NKAIN2: variants seen among roughly 807,000 people sequenced by gnomAD.
NKAIN2 encodes sodium/potassium transporting ATPase interacting 2.
In NKAIN2, 14 loss-of-function variants were observed where a neutral mutation model predicts 32.6. The ratio of observed to expected loss-of-function variants is 0.43; its 90% CI spans 0.28 to 0.67. The LOEUF (loss-of-function observed/expected upper bound fraction) is 0.67, where lower values mean the gene tolerates loss of function less well. Ranked by LOEUF, NKAIN2 falls within the 30% of genes least tolerant of loss-of-function variation. The probability of loss-of-function intolerance (pLI) is 0.17; values close to 1 mark genes in which losing one functional copy is unlikely to be tolerated. For synonymous variants in NKAIN2, 80 were observed against 87.2 expected, an observed-to-expected ratio of 0.92 and a Z score of 0.46; for missense variants, 198 against 258.3, an observed-to-expected ratio of 0.77 and a Z score of 1.60.
At chr6:124,554,840 A>T (rs375678734) in intron 3 of NKAIN2, among the ~76,000 whole-genome samples, 2 of 152,176 alleles carry the variant, frequency 1.3e-5, no homozygotes, top group African/African-American at 4.8e-5. Context: ...GCATGCCAAC[A>T]AGCCCGTGGG....
At chr6:124,082,054 T>C (rs1377146126) in intron 1 of NKAIN2, among the ~76,000 whole-genome samples, 3 of 151,566 alleles carry the variant, frequency 2.0e-5, no homozygotes, top group Admixed American at 2.0e-4. Context: ...ATGGGAAGGG[T>C]ATTTTAGGAA....
At chr6:124,097,719 G>C in intron 1 of NKAIN2, among the ~76,000 whole-genome samples, 1 of 152,170 alleles carries the variant, frequency 6.6e-6, no homozygotes, top group South Asian at 2.1e-4. Flanking sequence ...ACCTGGGAAT[G>C]TTGACGCATA....
At chr6:124,555,363 C>T (rs533942801) in intron 3 of NKAIN2, among the ~76,000 whole-genome samples, 1 of 152,236 alleles carries the variant, frequency 6.6e-6, no homozygotes, top group Non-Finnish European at 1.5e-5. Flanking sequence ...ATCCCCAGAG[C>T]TGAAGAAGTT....
rs573830764 is a variant in NKAIN2, at chr6:124,608,338, A to C, written c.274-49848A>C. 4.1e-3 allele frequency among the ~76,000 whole-genome samples: 628 copies of C among 152,276 alleles called. 1 individual carries two copies. The highest frequency in any genetic ancestry group is 5.9e-3 in the Non-Finnish European group (402 of 68,020). On this transcript the variant is annotated intron_variant, in intron 3 of 6. Transcript: ENST00000368417. ...ATCAATGCAGACCGGGCACTCCATAAGTGTTTCATAAATTGAACTGAATTG... is the reference window on the plus strand; with the variant it reads ...ATCAATGCAGACCGGGCACTCCATACGTGTTTCATAAATTGAACTGAATTG...
chr6:124,009,310 G>C (rs1780216114), intron 1 of NKAIN2, among the ~76,000 whole-genome samples: 1 of 152,122 alleles, frequency 6.6e-6, no homozygotes, highest in Admixed American at 6.5e-5. Flanking sequence ...ACCTTGCTGT[G>C]TCATATTTTC....
chr6:124,543,055 G>A (rs1779966845), intron 3 of NKAIN2, among the ~76,000 whole-genome samples: 1 of 152,010 alleles, frequency 6.6e-6, no homozygotes, highest in Admixed American at 6.6e-5. Flanking sequence ...TGGCTGCTTG[G>A]TGAATATTAA....
chr6:124,060,717 G>A lies in NKAIN2; in HGVS notation c.55-222288G>A, dbSNP rs572351390. ...TTGCTTACTCATCTAGTAAAGTTTAGCAGACTAGGTACAACTTAAATTTCA... is the reference window on the plus strand; with the variant it reads ...TTGCTTACTCATCTAGTAAAGTTTAACAGACTAGGTACAACTTAAATTTCA... On this transcript the variant is annotated intron_variant, in intron 1 of 6. Coordinates refer to ENST00000368417, the MANE Select transcript of NKAIN2 (RefSeq NM_001040214.3). Among the ~76,000 whole-genome samples, 3 of 152,204 alleles carry A rather than the reference G, an allele frequency of 2.0e-5. No homozygotes were observed. In the East Asian group the frequency reaches 5.8e-4, roughly 29 times the overall value.
intron 3 of NKAIN2, among the ~76,000 whole-genome samples, chr6:124,407,199 A>T (rs483871): frequency 0.2 from 30,234 of 151,904 alleles, 3,072 homozygotes; most frequent in East Asian, 0.24. Context: ...GAGCTAGTTT[A>T]TTTTTATTAT....
chr6:124,631,695 G>A (rs917897427), intron 3 of NKAIN2, among the ~76,000 whole-genome samples: 2 of 152,146 alleles, frequency 1.3e-5, no homozygotes, highest in African/African-American at 2.4e-5. Context: ...AAACTCCCAG[G>A]AGTTAACTAT....
intron 4 of NKAIN2, among the ~76,000 whole-genome samples, chr6:124,761,897 T>C (rs1026689194): frequency 6.6e-6 from 1 of 152,160 alleles, no homozygotes; most frequent in African/African-American, 2.4e-5. Context: ...GAAATATGTC[T>C]CCAAAATGTG....
rs754614869 is a variant in NKAIN2 at position 123,929,882 on chromosome 6, G to T, written c.54+125628G>T. On this transcript the variant is annotated intron_variant, in intron 1 of 6. Coordinates refer to ENST00000368417, the MANE Select transcript of NKAIN2 (RefSeq NM_001040214.3). ...AAATGTTCCAATGAGCATTTCCTTT[G>T]AACATCATGTGGGCACTCAAAAAAT... is the stretch of plus-strand genomic sequence containing the variant. Among the ~76,000 whole-genome samples, 38 of 151,970 alleles carry T rather than the reference G, an allele frequency of 2.5e-4. 1 individual carries two copies. Among genetic ancestry groups the T allele is most frequent in the Non-Finnish European group, 5.0e-4 (34 of 67,950 alleles).
chr6:124,272,309 A>C (rs1223149360), intron 1 of NKAIN2, among the ~76,000 whole-genome samples: 1 of 152,178 alleles, frequency 6.6e-6, no homozygotes, highest in East Asian at 1.9e-4. Context: ...CAGCCTCAGC[A>C]CTTGGTGTCC....
At chr6:124,712,650 G>A (rs1775555515) in intron 4 of NKAIN2, among the ~76,000 whole-genome samples, 1 of 151,386 alleles carries the variant, frequency 6.6e-6, no homozygotes, top group South Asian at 2.1e-4. Context: ...CTTCCCAAGT[G>A]AGGCAATGCC....
At chr6:124,032,430 A>G (rs923646487) in intron 1 of NKAIN2, among the ~76,000 whole-genome samples, 3 of 152,004 alleles carry the variant, frequency 2.0e-5, no homozygotes, top group Non-Finnish European at 4.4e-5. Context: ...AGAGTGCTGA[A>G]CCCATCTTTT....
intron 4 of NKAIN2, among the ~76,000 whole-genome samples, chr6:124,775,156 T>G (rs1277523575): frequency 6.6e-6 from 1 of 152,192 alleles, no homozygotes; most frequent in Non-Finnish European, 1.5e-5. Context: ...TTCATTTCTT[T>G]TAACAACAGG....
chr6:124,161,242 T>C (rs1788261524), intron 1 of NKAIN2, among the ~76,000 whole-genome samples: 1 of 152,050 alleles, frequency 6.6e-6, no homozygotes, highest in Non-Finnish European at 1.5e-5. Flanking sequence ...ATGTCTTACA[T>C]GGCAGGAGCA....
rs1010719518 is a variant in NKAIN2 at position 124,805,334 on chromosome 6, A to G, written c.536-13053A>G. Among the ~76,000 whole-genome samples the G allele has an allele frequency of 4.4e-3, 668 of 152,198 alleles. 4 individuals carry two copies. Among genetic ancestry groups the G allele is most frequent in the African/African-American group, 0.015 (635 of 41,512 alleles). On this transcript the variant is annotated intron_variant, in intron 5 of 6. Coordinates refer to ENST00000368417, the MANE Select transcript of NKAIN2 (RefSeq NM_001040214.3). The stretch of plus-strand genomic sequence containing the variant: ...TCAGACAGCGGCATTCGCGGTTCAC[A>G]AAAAACCACTGTTCTGCAGACACCG...
rs1449711578 is a variant in NKAIN2, at chr6:124,825,457, G to A, written c.*2228G>A. On this transcript the variant is annotated 3_prime_UTR_variant, in exon 7 of 7. Coordinates refer to ENST00000368417, the MANE Select transcript of NKAIN2 (RefSeq NM_001040214.3). ...ACAGCTGTATCCTCCTCAAAATCCGGTGAAGAATGCTATTTTTCTAGGCTG... is the reference window on the plus strand; with the variant it reads ...ACAGCTGTATCCTCCTCAAAATCCGATGAAGAATGCTATTTTTCTAGGCTG... 6.6e-6 allele frequency: 1 copy of A among 152,516 alleles called. No individual in the cohort carries two copies. The highest frequency in any genetic ancestry group is 2.4e-5 in the African/African-American group (1 of 41,416). The allele number at this position is 152,516 out of a possible 1,614,324, so 9.4% of individuals were successfully genotyped here.
chr6:124,321,755 G>A (rs1797202560), intron 2 of NKAIN2, among the ~76,000 whole-genome samples: 1 of 152,106 alleles, frequency 6.6e-6, no homozygotes, highest in African/African-American at 2.4e-5. Flanking sequence ...GACTTTGGGG[G>A]CCCTCCTTGC....
Sources: allele counts gnomAD v4.1 joint callset (sites outside exome capture counted in the v4.1 genomes callset), GRCh38; gene constraint gnomAD v4.1.1; transcripts MANE v1.5; gene names NCBI Gene and HGNC (gene_info 2026-07-23, HGNC 2026-07-21).